The following AUTS2 variants were observed in gnomAD, a reference collection of about 807,000 sequenced individuals.
The protein encoded by AUTS2 is autism susceptibility gene 2 protein.
A neutral mutation model predicts 112.4 loss-of-function variants in AUTS2; 17 were observed. The observed-to-expected ratio is 0.15, with a 90% confidence interval of 0.10 to 0.23. AUTS2 has a LOEUF of 0.23. Among genes scored for constraint, AUTS2 ranks in the 10% least tolerant of loss-of-function variants. The pLI is 1.00. For missense variants in AUTS2, 1,510 were observed against 1,701.6 expected, an observed-to-expected ratio of 0.89 and a Z score of 1.98; for synonymous variants, 751 against 702.7, an observed-to-expected ratio of 1.07 and a Z score of -1.09.
At chr7:70,759,071 G>A (rs904711960) in intron 6 of AUTS2, among the ~76,000 whole-genome samples, 1 of 152,190 alleles carries the variant, frequency 6.6e-6, no homozygotes, top group African/African-American at 2.4e-5. Context: ...CAGTGTTACA[G>A]CCACTCTTTG....
chr7:70,309,732 T>C (rs1562869825), intron 4 of AUTS2, among the ~76,000 whole-genome samples: 1 of 152,232 alleles, frequency 6.6e-6, no homozygotes, highest in Non-Finnish European at 1.5e-5. Flanking sequence ...TTTACAATTA[T>C]AGTAAAACTT....
chr7:70,612,382 C>G (rs747469005), intron 5 of AUTS2, among the ~76,000 whole-genome samples: 138 of 152,254 alleles, frequency 9.1e-4, no homozygotes, highest in Non-Finnish European at 1.5e-3. Context: ...TGTGGTTGCT[C>G]AAACCTCTGG....
intron 2 of AUTS2, among the ~76,000 whole-genome samples, chr7:70,036,372 G>A (rs1801003544): frequency 6.6e-6 from 1 of 152,194 alleles, no homozygotes; most frequent in Admixed American, 6.5e-5. Context: ...ATTAAAAGCT[G>A]ATCTCTTTTA....
intron 4 of AUTS2, among the ~76,000 whole-genome samples, chr7:70,221,410 C>T (rs915399174): frequency 6.6e-6 from 1 of 152,116 alleles, no homozygotes; most frequent in African/African-American, 2.4e-5. Flanking sequence ...ATTAAATGTA[C>T]ATTCTCTGAG....
intron 2 of AUTS2, among the ~76,000 whole-genome samples, chr7:70,107,519 T>C (rs2129570707): frequency 6.7e-6 from 1 of 150,040 alleles, no homozygotes; most frequent in East Asian, 2.0e-4. Context: ...AATTTTTGTA[T>C]TTTTAGTAGA....
At chr7:69,842,280 A>C (rs1792014722) in intron 1 of AUTS2, among the ~76,000 whole-genome samples, 3 of 152,212 alleles carry the variant, frequency 2.0e-5, no homozygotes, top group Admixed American at 2.0e-4. Flanking sequence ...GAAGTGGATG[A>C]AATGCTAATA....
At chr7:70,214,519 T>C (rs147004703) in intron 4 of AUTS2, among the ~76,000 whole-genome samples, 1 of 152,224 alleles carries the variant, frequency 6.6e-6, no homozygotes, top group African/African-American at 2.4e-5. Context: ...CAGATGCCAA[T>C]AATTTTTTCC....
intron 4 of AUTS2, among the ~76,000 whole-genome samples, chr7:70,413,912 C>T (rs2130521139): frequency 6.6e-6 from 1 of 152,162 alleles, no homozygotes; most frequent in East Asian, 1.9e-4. Flanking sequence ...TAGGCTCAAG[C>T]AATATGCCCG....
At chr7:70,255,629 T>C (rs977502550) in intron 4 of AUTS2, among the ~76,000 whole-genome samples, 2 of 152,226 alleles carry the variant, frequency 1.3e-5, no homozygotes, top group African/African-American at 4.8e-5. Flanking sequence ...GGTTTCATAG[T>C]AATATCCTTC....
Position 70,008,938 on chromosome 7 carries a change from T to A in AUTS2, c.523-109194T>A, listed in dbSNP as rs533563233. On this transcript the variant is annotated intron_variant, in intron 2 of 18. Coordinates refer to ENST00000342771, the MANE Select transcript of AUTS2 (RefSeq NM_015570.4). Reference sequence around the variant, plus strand: ...ATAGATATGGTTTTTATCCTGCACTTCTTTTGAGATAGCTGGGGGCTTTAC... The same window carrying A: ...ATAGATATGGTTTTTATCCTGCACTACTTTTGAGATAGCTGGGGGCTTTAC... Among the ~76,000 whole-genome samples, 9 of 152,344 alleles carry A rather than the reference T, an allele frequency of 5.9e-5. No homozygotes were observed. The South Asian group carries it at 1.5e-3, about 25-fold the overall frequency.
chr7:70,773,293 T>C (rs1790476175), intron 11 of AUTS2, among the ~76,000 whole-genome samples: 1 of 152,214 alleles, frequency 6.6e-6, no homozygotes, highest in African/African-American at 2.4e-5. Flanking sequence ...AAATAGCTGG[T>C]GTCGTGTCCT....
At chr7:70,447,338 A>G (rs1045285575) in intron 5 of AUTS2, among the ~76,000 whole-genome samples, 8 of 152,238 alleles carry the variant, frequency 5.3e-5, no homozygotes, top group Non-Finnish European at 1.0e-4. Flanking sequence ...CTTACATTAT[A>G]CAGCTAATGG....
intron 1 of AUTS2, among the ~76,000 whole-genome samples, chr7:69,822,384 G>T (rs1157952798): frequency 6.6e-6 from 1 of 152,204 alleles, no homozygotes; most frequent in East Asian, 1.9e-4. Flanking sequence ...CTACCTGGTA[G>T]GTCAAGGTGG....
intron 4 of AUTS2, among the ~76,000 whole-genome samples, chr7:70,289,329 G>T (rs1002599351): frequency 4.6e-5 from 7 of 152,216 alleles, no homozygotes; most frequent in African/African-American, 7.2e-5. Context: ...AGATGCATCA[G>T]AGTATTCTGA....
At chr7:70,360,325 A>T (rs1792202861) in intron 4 of AUTS2, among the ~76,000 whole-genome samples, 1 of 152,008 alleles carries the variant, frequency 6.6e-6, no homozygotes, top group African/African-American at 2.4e-5. Context: ...TGGGAGCCTC[A>T]CTTGGGATAT....
chr7:70,209,947 A>G (rs1295059635), intron 4 of AUTS2, among the ~76,000 whole-genome samples: 1 of 152,050 alleles, frequency 6.6e-6, no homozygotes, highest in Admixed American at 6.6e-5. Context: ...CCCCTCCACC[A>G]TGATATAAAA....
intron 1 of AUTS2, among the ~76,000 whole-genome samples, chr7:69,825,597 C>G (rs754332702): frequency 3.3e-5 from 5 of 152,076 alleles, no homozygotes; most frequent in Non-Finnish European, 7.4e-5. Flanking sequence ...TCTGAATCCT[C>G]TGCAGCCAGT....
chr7:69,751,273 G>A (rs571014996), intron 1 of AUTS2, among the ~76,000 whole-genome samples: 16 of 152,278 alleles, frequency 1.1e-4, no homozygotes, highest in African/African-American at 3.4e-4. Flanking sequence ...GGTTTGCTTA[G>A]CCACAACTAG....
At chr7:70,306,528 A>G (rs547943754) in intron 4 of AUTS2, among the ~76,000 whole-genome samples, 1 of 152,136 alleles carries the variant, frequency 6.6e-6, no homozygotes, top group Non-Finnish European at 1.5e-5. Context: ...TTACCTTTTT[A>G]CAGTTTTTAT....
Sources: allele counts gnomAD v4.1 joint callset (sites outside exome capture counted in the v4.1 genomes callset), GRCh38; gene constraint gnomAD v4.1.1; transcripts MANE v1.5; gene names NCBI Gene and HGNC (gene_info 2026-07-23, HGNC 2026-07-21).